Variants in WIPF1 observed in about 807,000 individuals in gnomAD.
The protein encoded by WIPF1 is WAS/WASL-interacting protein family member 1.
WIPF1 carries 13 observed loss-of-function variants against 35.4 expected under a neutral mutation model. The observed-to-expected ratio is 0.37, with a 90% CI of 0.24 to 0.58. The LOEUF is 0.58. Among genes scored for constraint, WIPF1 ranks in the 20% least tolerant of loss-of-function variants. The probability of loss-of-function intolerance (pLI) is 0.74; values close to 1 mark genes in which losing one functional copy is unlikely to be tolerated. For synonymous variants in WIPF1, 267 were observed against 266.3 expected (o/e 1.00, Z -0.02); for missense variants, 591 against 667.0 (o/e 0.89, Z 1.25).
chr2:174,632,485 G>A (rs1326384188), intron 1 of WIPF1, among the ~76,000 whole-genome samples: 2 of 152,022 alleles, frequency 1.3e-5, no homozygotes, highest in African/African-American at 2.4e-5. Context: ...TGAGGCGGGC[G>A]GATCACCTGA....
chr2:174,614,077 A>G (rs889116239), intron 1 of WIPF1, among the ~76,000 whole-genome samples: 8 of 152,198 alleles, frequency 5.3e-5, no homozygotes, highest in African/African-American at 1.7e-4. Context: ...ACTAGACTCA[A>G]TGAACACAAA....
chr2:174,601,119 G>GA (rs1685993109), upstream of WIPF1, among the ~76,000 whole-genome samples: 1 of 151,732 alleles, frequency 6.6e-6, no homozygotes. Context: ...TAGAGACGGG[G>GA]TTTCGCCATG....
intron 1 of WIPF1, among the ~76,000 whole-genome samples, chr2:174,648,635 T>G (rs1422460390): frequency 6.6e-6 from 1 of 152,224 alleles, no homozygotes; most frequent in East Asian, 1.9e-4. Context: ...GTAATATTCA[T>G]GAAAGCATGC....
At chr2:174,581,541 G>A (rs1424844692) in intron 2 of WIPF1, 102 bp from the exon 3 acceptor site, 1 of 1,465,780 alleles carries the variant, frequency 6.8e-7, no homozygotes, top group Non-Finnish European at 9.2e-7. Flanking sequence ...TGTTGTTAAG[G>A]TTCTTGGTGA....
intron 1 of WIPF1, among the ~76,000 whole-genome samples, chr2:174,648,450 A>T (rs983730448): frequency 2.0e-5 from 3 of 152,212 alleles, no homozygotes; most frequent in African/African-American, 7.2e-5. Flanking sequence ...TTACTGAAAT[A>T]TGTCTCCTGA....
chr2:174,607,480 T>C (rs1197996976), intron 1 of WIPF1, among the ~76,000 whole-genome samples: 3 of 152,180 alleles, frequency 2.0e-5, no homozygotes, highest in Non-Finnish European at 4.4e-5. Flanking sequence ...ACAAATGAAC[T>C]TCAAGGGACA....
At chr2:174,602,731 A>T (rs1260845366), upstream of WIPF1, among the ~76,000 whole-genome samples, 12 of 152,228 alleles carry the variant, frequency 7.9e-5, no homozygotes, top group Admixed American at 2.6e-4. Context: ...TAGATAAATT[A>T]AAAACAAACC....
rs1268555819 is a variant in WIPF1 at position 174,622,447 on chromosome 2, C to G, written c.-38-36836G>C. Among the ~76,000 whole-genome samples, 1 of 152,106 alleles carries G rather than the reference C, an allele frequency of 6.6e-6. No homozygotes were observed. The highest frequency in any genetic ancestry group is 2.4e-5 in the African/African-American group (1 of 41,414). The stretch of plus-strand genomic sequence containing the variant: ...AACAAATACATATTTAAATAAAGAA[C>G]GTTTATCCATGTCTCCTAAAATCAC... On this transcript the variant is annotated intron_variant, in intron 1 of 8. Transcript: ENST00000272746. This position sits in a 1 kb window ranked among gnomAD's most constrained non-coding sequence, Gnocchi z 5.1.
At chr2:174,623,714 G>T (rs1326338555) in intron 1 of WIPF1, among the ~76,000 whole-genome samples, 1 of 152,164 alleles carries the variant, frequency 6.6e-6, no homozygotes, top group African/African-American at 2.4e-5. Context: ...CACCAATAGA[G>T]CTCATAGATA....
intron 1 of WIPF1, among the ~76,000 whole-genome samples, chr2:174,624,766 G>A (rs183640362): frequency 2.0e-5 from 3 of 152,124 alleles, no homozygotes; most frequent in African/African-American, 7.2e-5. Context: ...GGCTGAGGGT[G>A]ATGACAATTC....
chr2:174,579,287 T>C (rs1685163029), intron 3 of WIPF1, among the ~76,000 whole-genome samples: 1 of 152,192 alleles, frequency 6.6e-6, no homozygotes. Context: ...ATTACAGGTG[T>C]GAGCCACTGT....
chr2:174,584,069 C>T (rs1285426479), intron 2 of WIPF1, among the ~76,000 whole-genome samples: 1 of 152,162 alleles, frequency 6.6e-6, no homozygotes. Flanking sequence ...CTCAAGTTAT[C>T]CTTCCAAAGT....
intron 1 of WIPF1, among the ~76,000 whole-genome samples, chr2:174,671,804 T>C (rs150989579): frequency 0.013 from 1,990 of 152,288 alleles, 50 homozygotes; most frequent in African/African-American, 0.046. Flanking sequence ...GTCAGACAGG[T>C]TGTCTGCTCT....
At chr2:174,668,532 AC>A (rs1478163686) in intron 1 of WIPF1, among the ~76,000 whole-genome samples, 1 of 152,194 alleles carries the variant, frequency 6.6e-6, no homozygotes, top group Non-Finnish European at 1.5e-5. Context: ...AGCATTTGTG[AC>A]ACTCTAGGAA....
At chr2:174,677,583 A>C (rs1318498548) in intron 1 of WIPF1, among the ~76,000 whole-genome samples, 1 of 152,240 alleles carries the variant, frequency 6.6e-6, no homozygotes, top group African/African-American at 2.4e-5. Flanking sequence ...GCATGTTCTT[A>C]CAACGTGAAC....
chr2:174,615,566 T>A (rs1686482962), intron 1 of WIPF1, among the ~76,000 whole-genome samples: 1 of 152,252 alleles, frequency 6.6e-6, no homozygotes, highest in South Asian at 2.1e-4. Context: ...AAGCACTGTT[T>A]ATGTTTGTAT....
At chr2:174,657,081 T>C (rs964503382) in intron 1 of WIPF1, among the ~76,000 whole-genome samples, 1 of 152,258 alleles carries the variant, frequency 6.6e-6, no homozygotes, top group African/African-American at 2.4e-5. Context: ...AACATTAGCA[T>C]GCACATCTCA....
At chr2:174,632,449 C>T (rs1435436980) in intron 1 of WIPF1, among the ~76,000 whole-genome samples, 1 of 152,114 alleles carries the variant, frequency 6.6e-6, no homozygotes, top group Non-Finnish European at 1.5e-5. Context: ...GTGGCTCACA[C>T]CTGTAATCCC....
At chr2:174,671,587 A>G (rs535148286) in intron 1 of WIPF1, among the ~76,000 whole-genome samples, 1 of 152,306 alleles carries the variant, frequency 6.6e-6, no homozygotes, top group East Asian at 1.9e-4. Context: ...CAGGAGATAT[A>G]TCGCTGAATT....
Sources: allele counts gnomAD v4.1 joint callset (sites outside exome capture counted in the v4.1 genomes callset), GRCh38; gene constraint gnomAD v4.1.1; non-coding constraint Gnocchi (gnomAD v3.1); transcripts MANE v1.5; gene names NCBI Gene and HGNC (gene_info 2026-07-23, HGNC 2026-07-21).